The following PAM variants were observed in gnomAD, a reference collection of about 807,000 sequenced individuals.
PAM encodes peptidyl-glycine alpha-amidating monooxygenase.
PAM carries 72 observed loss-of-function variants against 122.1 expected under a neutral mutation model. The ratio of observed to expected loss-of-function variants is 0.59; its 90% CI spans 0.49 to 0.72. The LOEUF (loss-of-function observed/expected upper bound fraction) is 0.72. PAM is among the 30% of genes least tolerant of loss of function. The pLI is 0.00. For synonymous variants in PAM, 389 were observed against 404.4 expected, an observed-to-expected ratio of 0.96 and a Z score of 0.46; for missense variants, 1,106 against 1,183.7, an observed-to-expected ratio of 0.93 and a Z score of 0.96.
intron 1 of PAM, among the ~76,000 whole-genome samples, chr5:102,779,918 T>TATATATATATATATATAC (rs147065045): frequency 1.0e-5 from 1 of 95,704 alleles, no homozygotes. Flanking sequence ...TATATATATA[T>TATATATATATATATATAC]ACACACATAT....
chr5:102,995,143 A>G (rs1167242795), intron 16 of PAM, among the ~76,000 whole-genome samples: 1 of 152,112 alleles, frequency 6.6e-6, no homozygotes, highest in Non-Finnish European at 1.5e-5. Flanking sequence ...TTATGCTTCA[A>G]CTTCTGCGAT....
At chr5:102,953,623 T>C (rs2150123817) in intron 12 of PAM, among the ~76,000 whole-genome samples, 1 of 152,238 alleles carries the variant, frequency 6.6e-6, no homozygotes, top group Non-Finnish European at 1.5e-5. Flanking sequence ...GAGGAATAGA[T>C]TTTGAGATCT....
At chr5:102,988,342 T>C (rs1013934191) in intron 15 of PAM, among the ~76,000 whole-genome samples, 2 of 143,176 alleles carry the variant, frequency 1.4e-5, no homozygotes, top group Non-Finnish European at 2.9e-5. Flanking sequence ...CCCAGCCCTA[T>C]CCTTGGGAAG....
At position 102,854,152 on chromosome 5, in the gene PAM, C is replaced by T. The variant is rs115137683; in HGVS notation, c.-373-11671C>T. Among the ~76,000 whole-genome samples, 328 of 152,218 alleles carry T rather than the reference C, an allele frequency of 2.2e-3. 1 individual carries two copies. The highest frequency in any genetic ancestry group is 7.5e-3 in the African/African-American group (313 of 41,544). ...TGTAAAATGTAGATAGTACTTAGAC[C>T]TAGCTTATAGGATGTCATGAGCATT... On this transcript the variant is annotated intron_variant, in intron 1 of 25. Coordinates refer to ENST00000438793, the MANE Select transcript of PAM (RefSeq NM_001177306.2).
At chr5:102,923,240 C>T (rs1040402555) in intron 5 of PAM, among the ~76,000 whole-genome samples, 24 of 152,190 alleles carry the variant, frequency 1.6e-4, no homozygotes, top group African/African-American at 4.8e-4. Flanking sequence ...GCAGAAAATA[C>T]GGTAAGAGTC....
intron 14 of PAM, 106 bp from the exon 15 acceptor site, chr5:102,974,010 T>G (rs539363936): frequency 1.1e-5 from 8 of 714,324 alleles, no homozygotes; most frequent in Non-Finnish European, 1.4e-5. Context: ...AACTTCTCTC[T>G]TATTTATTAT....
intron 13 of PAM, 102 bp from the exon 14 acceptor site, chr5:102,961,056 C>CCCT: frequency 1.6e-6 from 1 of 641,558 alleles, no homozygotes; most frequent in South Asian, 1.8e-5. Flanking sequence ...AAGCACAAGA[C>CCCT]CCTGAATAGT....
rs535778505 is a variant in PAM, at chr5:103,009,491, C to T, written c.2216-260C>T. Among the ~76,000 whole-genome samples, 13 of 152,200 alleles carry T rather than the reference C, an allele frequency of 8.5e-5. No homozygotes were observed. The South Asian group carries it at 2.5e-3, about 29-fold the overall frequency. On this transcript the variant is annotated intron_variant, in intron 20 of 25. Coordinates refer to ENST00000438793, the MANE Select transcript of PAM (RefSeq NM_001177306.2). The stretch of plus-strand genomic sequence containing the variant: ...TCTATATATCAATATCTATGTATTT[C>T]TGATTTCTACTGGTTTTCCAAGTGG...
intron 1 of PAM, among the ~76,000 whole-genome samples, chr5:102,845,108 C>G (rs1264313743): frequency 1.3e-5 from 2 of 152,178 alleles, no homozygotes; most frequent in African/African-American, 4.8e-5. Flanking sequence ...CAATAAGCTC[C>G]CAGGTAATAC....
chr5:102,936,642 T>C (rs527994832), intron 7 of PAM, among the ~76,000 whole-genome samples: 16 of 152,280 alleles, frequency 1.1e-4, no homozygotes, highest in Non-Finnish European at 1.9e-4. Context: ...CAACAGCTTA[T>C]ATGGAGTTAA....
At chr5:102,803,936 C>T (rs946874656) in intron 1 of PAM, among the ~76,000 whole-genome samples, 9 of 151,712 alleles carry the variant, frequency 5.9e-5, no homozygotes, top group African/African-American at 1.5e-4. Flanking sequence ...TTAAGAACAC[C>T]GAAAATTCTG....
intron 16 of PAM, among the ~76,000 whole-genome samples, chr5:102,998,570 A>G (rs925227584): frequency 1.3e-5 from 2 of 152,242 alleles, no homozygotes; most frequent in Admixed American, 1.3e-4. Flanking sequence ...GTAATGTACT[A>G]GTATATTCCA....
At chr5:102,891,301 A>G (rs1052795202) in intron 3 of PAM, among the ~76,000 whole-genome samples, 1 of 151,892 alleles carries the variant, frequency 6.6e-6, no homozygotes, top group Non-Finnish European at 1.5e-5. Context: ...GTAATTGCCT[A>G]ATACTGAAGT....
chr5:102,932,773 A>T (rs181630338), intron 7 of PAM, among the ~76,000 whole-genome samples: 78 of 152,180 alleles, frequency 5.1e-4, no homozygotes, highest in African/African-American at 1.7e-3. Flanking sequence ...AATGAATGTT[A>T]GTTCTCCTTA....
chr5:102,881,876 T>G (rs1260781334), intron 3 of PAM, among the ~76,000 whole-genome samples: 1 of 149,320 alleles, frequency 6.7e-6, no homozygotes, highest in Non-Finnish European at 1.5e-5. Flanking sequence ...CATTGTATCA[T>G]TCTTATGCCT....
At chr5:102,959,429 T>A (rs185269683) in intron 12 of PAM, among the ~76,000 whole-genome samples, 77 of 152,220 alleles carry the variant, frequency 5.1e-4, no homozygotes, top group Non-Finnish European at 9.9e-4. Flanking sequence ...TAAAGACTTA[T>A]AATAAATAAT....
At chr5:102,774,196 T>C (rs1399710589) in intron 1 of PAM, among the ~76,000 whole-genome samples, 4 of 152,122 alleles carry the variant, frequency 2.6e-5, no homozygotes, top group Admixed American at 6.6e-5. Flanking sequence ...GTCTTTATGA[T>C]AGAATGATTT....
At chr5:102,975,610 T>C (rs1407351584) in intron 15 of PAM, among the ~76,000 whole-genome samples, 1 of 152,120 alleles carries the variant, frequency 6.6e-6, no homozygotes, top group Admixed American at 6.6e-5. Context: ...AGACCCTGAA[T>C]CCTATCAAAG....
At chr5:103,024,741 G>A (rs902981317) in intron 23 of PAM, among the ~76,000 whole-genome samples, 7 of 152,116 alleles carry the variant, frequency 4.6e-5, no homozygotes, top group East Asian at 1.9e-4. Context: ...AAAGTTATAC[G>A]GCTAGTATAT....
Sources: gnomAD v4.1 joint callset for allele counts (sites outside exome capture counted in the v4.1 genomes callset) on GRCh38, gnomAD v4.1.1 for gene constraint, MANE v1.5 for transcripts, NCBI Gene and HGNC (gene_info 2026-07-23, HGNC 2026-07-21) for gene names.